Variants in TSPEAR observed in about 807,000 individuals in gnomAD.
TSPEAR encodes thrombospondin type laminin G domain and EAR repeats, also known as thrombospondin-type laminin G domain and EAR repeat-containing protein.
A neutral mutation model predicts 71.6 loss-of-function variants in TSPEAR; 69 were observed. That is an observed-to-expected ratio of 0.96 (90% CI 0.79 to 1.18). The LOEUF (loss-of-function observed/expected upper bound fraction) is 1.18. TSPEAR is among the 50% of genes most tolerant of loss of function. The probability of loss-of-function intolerance (pLI) is 0.00; values close to 1 mark genes in which losing one functional copy is unlikely to be tolerated. For synonymous variants in TSPEAR, 402 were observed against 387.2 expected, an observed-to-expected ratio of 1.04 and a Z score of -0.45; for missense variants, 971 against 894.9, an observed-to-expected ratio of 1.09 and a Z score of -1.09.
chr21:44,584,752 G>A (rs186044024), intron 1 of TSPEAR, among the ~76,000 whole-genome samples: 4 of 152,256 alleles, frequency 2.6e-5, no homozygotes, highest in Non-Finnish European at 5.9e-5. Flanking sequence ...TATATTGAAG[G>A]CTGATGATAT....
intron 2 of TSPEAR, chr21:44,558,618 G>T: frequency 5.0e-6 from 8 of 1,606,060 alleles, no homozygotes; most frequent in Non-Finnish European, 6.8e-6. Context: ...GCAGCTGGTG[G>T]CGCAGCAGGG....
chr21:44,549,285 A>C (rs2146024588), intron 2 of TSPEAR, among the ~76,000 whole-genome samples: 1 of 152,244 alleles, frequency 6.6e-6, no homozygotes, highest in Admixed American at 6.5e-5. Flanking sequence ...GAAGAAAGAC[A>C]TGGGGAGGGG....
Position 44,612,740 on chromosome 21 carries a change from C to T in TSPEAR, c.83-44735G>A, listed in dbSNP as rs868978411. 47 of 1,613,788 alleles carry T rather than the reference C, an allele frequency of 2.9e-5. 1 individual carries two copies. Among genetic ancestry groups the T allele is most frequent in the South Asian group, 9.9e-5 (9 of 91,062 alleles). ...CTCCTCCTCCGTGTCCCTCCTCTGCCGCCCTGTGTGCCGGCCTGCCTGCTG... is the reference window on the plus strand; with the variant it reads ...CTCCTCCTCCGTGTCCCTCCTCTGCTGCCCTGTGTGCCGGCCTGCCTGCTG... On this transcript the variant is annotated intron_variant, in intron 1 of 11. Coordinates refer to ENST00000323084, the MANE Select transcript of TSPEAR (RefSeq NM_144991.3). The surrounding 1 kb of genome is among the most constrained non-coding windows in gnomAD (Gnocchi z 4.1).
At chr21:44,533,560 G>T (rs1601376745) in intron 3 of TSPEAR, 125 bp downstream of exon 3, 1 of 816,778 alleles carries the variant, frequency 1.2e-6, no homozygotes, top group Non-Finnish European at 1.9e-6. Flanking sequence ...CATGGCTCCT[G>T]ACCCTGGTCA....
chr21:44,617,554 C>A (rs1210253658), intron 1 of TSPEAR, among the ~76,000 whole-genome samples: 1 of 152,238 alleles, frequency 6.6e-6, no homozygotes, highest in Non-Finnish European at 1.5e-5. Flanking sequence ...GCAACAGATT[C>A]CTAGAAATAC....
At chr21:44,634,917 T>C (rs1983453922) in intron 1 of TSPEAR, among the ~76,000 whole-genome samples, 1 of 152,180 alleles carries the variant, frequency 6.6e-6, no homozygotes, top group Non-Finnish European at 1.5e-5. Flanking sequence ...TATAAAATGG[T>C]ACAGATGCTG....
chr21:44,637,383 A>G (rs1555936938), intron 1 of TSPEAR: 1 of 1,582,146 alleles, frequency 6.3e-7, no homozygotes, highest in South Asian at 1.2e-5. Context: ...ACTCACTCAC[A>G]CACCTCCCCC....
chr21:44,533,658 G>A (rs998795944), intron 3 of TSPEAR, 27 bp downstream of exon 3: 2 of 1,572,134 alleles, frequency 1.3e-6, no homozygotes, highest in Non-Finnish European at 8.7e-7. Flanking sequence ...AGGACTGCAG[G>A]TGCACCCTCC....
intron 2 of TSPEAR, among the ~76,000 whole-genome samples, chr21:44,560,247 A>C (rs1487374377): frequency 1.3e-5 from 2 of 152,234 alleles, no homozygotes; most frequent in African/African-American, 2.4e-5. Flanking sequence ...AGGGCATTAC[A>C]TAATGATAAA....
At chr21:44,699,398 A>AAAAAG (rs1555951225) in intron 1 of TSPEAR, among the ~76,000 whole-genome samples, 1 of 147,022 alleles carries the variant, frequency 6.8e-6, no homozygotes, top group African/African-American at 2.5e-5. Context: ...AAAAAAAAAA[A>AAAAAG]GGGTTGGGGA....
chr21:44,614,439 G>C (rs587607717), intron 1 of TSPEAR, among the ~76,000 whole-genome samples: 1 of 152,358 alleles, frequency 6.6e-6, no homozygotes, highest in South Asian at 2.1e-4. Flanking sequence ...TGCAGACAGG[G>C]AGTCCAAGAA....
intron 1 of TSPEAR, among the ~76,000 whole-genome samples, chr21:44,707,518 T>C (rs1555952704): frequency 1.3e-5 from 2 of 151,900 alleles, no homozygotes; most frequent in East Asian, 3.9e-4. Context: ...AGCGGAACCG[T>C]AGTGTCCAAT....
At chr21:44,579,961 C>T (rs1555924712) in intron 1 of TSPEAR, 4 of 1,614,014 alleles carry the variant, frequency 2.5e-6, no homozygotes, top group South Asian at 1.1e-5. Flanking sequence ...AGCAAGCCGG[C>T]TGACAGCTAG....
intron 1 of TSPEAR, among the ~76,000 whole-genome samples, chr21:44,594,207 A>T (rs759940462): frequency 1.1e-4 from 17 of 152,344 alleles, no homozygotes; most frequent in Non-Finnish European, 2.2e-4. Flanking sequence ...AGACTCACAG[A>T]AGTCAGAGGG....
rs201799832 is a variant in TSPEAR, at chr21:44,637,433, A to G, written c.83-69428T>C. On this transcript the variant is annotated intron_variant, in intron 1 of 11. Transcript: ENST00000323084. ...CCACTCCAGCATGGCCGCCTCCACC[A>G]TGTCCATCTGCTCCAGCGCCTGCAC... is the stretch of plus-strand genomic sequence containing the variant. 1.9e-5 allele frequency: 31 copies of G among 1,608,382 alleles called. No homozygotes were observed. In the East Asian group the frequency reaches 5.1e-4, roughly 27 times the overall value.
chr21:44,681,974 G>C (rs782508798), intron 1 of TSPEAR: 8 of 1,613,808 alleles, frequency 5.0e-6, no homozygotes, highest in South Asian at 3.3e-5. Flanking sequence ...CAGAGGACTG[G>C]CATCTCACGG....
intron 1 of TSPEAR, among the ~76,000 whole-genome samples, chr21:44,639,458 C>T (rs1471127932): frequency 6.6e-6 from 1 of 152,220 alleles, no homozygotes; most frequent in East Asian, 1.9e-4. Context: ...TCGCTCACTC[C>T]CCTCGAGGCA....
chr21:44,523,446 G>A (rs1399693781), intron 8 of TSPEAR, among the ~76,000 whole-genome samples: 1 of 151,942 alleles, frequency 6.6e-6, no homozygotes, highest in Admixed American at 6.6e-5. Context: ...TAGTCAGTTA[G>A]GTAGTTAATA....
chr21:44,632,687 A>C (rs60534265), intron 1 of TSPEAR, among the ~76,000 whole-genome samples: 37,141 of 151,704 alleles, frequency 0.24, 5,242 homozygotes, highest in African/African-American at 0.39. Context: ...TACACACACA[A>C]AAAAAAATAG....
Sources: gnomAD v4.1 joint callset for allele counts (sites outside exome capture counted in the v4.1 genomes callset) on GRCh38, gnomAD v4.1.1 for gene constraint, Gnocchi (gnomAD v3.1) non-coding constraint, MANE v1.5 for transcripts, NCBI Gene and HGNC (gene_info 2026-07-23, HGNC 2026-07-21) for gene names.